Variants in STIL observed in about 807,000 individuals in gnomAD.
STIL encodes STIL centriolar assembly protein, also known as SCL-interrupting locus protein.
In STIL, 55 loss-of-function variants were observed where a neutral mutation model predicts 110.1. The ratio of observed to expected loss-of-function variants is 0.50; its 90% CI spans 0.40 to 0.63. The LOEUF (loss-of-function observed/expected upper bound fraction) is 0.63. STIL is among the 20% of genes least tolerant of loss of function. The pLI, the probability that STIL is intolerant of heterozygous loss-of-function variation, is 0.00. For missense variants in STIL, 1,358 were observed against 1,530.0 expected (o/e 0.89, Z 1.87); for synonymous variants, 481 against 530.0 (o/e 0.91, Z 1.27).
intron 8 of STIL, 104 bp from the exon 9 acceptor site, chr1:47,289,689 G>A (rs1645420262): frequency 2.5e-6 from 3 of 1,195,340 alleles, no homozygotes; most frequent in Non-Finnish European, 3.7e-6. Flanking sequence ...ATGACTAAAA[G>A]GTGCAATTTT....
intron 6 of STIL, among the ~76,000 whole-genome samples, chr1:47,299,166 G>A (rs1278232694): frequency 2.0e-5 from 3 of 151,208 alleles, no homozygotes; most frequent in African/African-American, 7.3e-5. Context: ...TGGCCAACAT[G>A]GTGAAACCTC....
At position 47,302,311 on chromosome 1, in the gene STIL, C is replaced by G. The variant is rs767031800; in HGVS notation, c.188G>C (p.Arg63Pro). The change falls in exon 4 of 17, where the codon CGA (arginine) becomes CCA (proline). Residue 63 changes from arginine (R) to proline (P), a missense_variant. Physicochemically the swap from Arg to Pro is moderately radical, Grantham distance 103. Coordinates refer to ENST00000371877, the MANE Select transcript of STIL (RefSeq NM_001048166.1). ...PKLVVTEKTIRLAYRHAKQNK... is the reference protein window; with the variant it reads ...PKLVVTEKTIPLAYRHAKQNK... ...CTGCTTAGCATGACGATAAGCAAGT[C>G]GGATGGTCTTCTCAGTCACCACAAG... 6.2e-7 allele frequency: 1 copy of G among 1,613,994 alleles called. No homozygotes were observed. The highest frequency in any genetic ancestry group is 1.1e-5 in the South Asian group (1 of 91,056).
intron 7 of STIL, among the ~76,000 whole-genome samples, chr1:47,294,261 A>G (rs1645578160): frequency 6.6e-6 from 1 of 152,146 alleles, no homozygotes. Context: ...CACTTTCCAT[A>G]CTGGTCACTT....
chr1:47,296,858 G>C (rs566020807), intron 6 of STIL, among the ~76,000 whole-genome samples: 2 of 152,084 alleles, frequency 1.3e-5, no homozygotes, highest in Non-Finnish European at 2.9e-5. Context: ...ATAAAGCCTT[G>C]GCAGTACCAC....
At chr1:47,307,354 C>A (rs140796099) in intron 2 of STIL, among the ~76,000 whole-genome samples, 2 of 152,196 alleles carry the variant, frequency 1.3e-5, no homozygotes, top group African/African-American at 2.4e-5. Flanking sequence ...AGGGACCGGC[C>A]GAAGCCATGA....
intron 8 of STIL, 40 bp from the exon 9 acceptor site, chr1:47,289,625 T>G: frequency 1.9e-6 from 3 of 1,551,210 alleles, no homozygotes; most frequent in Non-Finnish European, 2.7e-6. Context: ...TTAATGAGGA[T>G]AACATGATGA....
chr1:47,310,876 G>A (rs1488104764), intron 1 of STIL, among the ~76,000 whole-genome samples: 1 of 152,082 alleles, frequency 6.6e-6, no homozygotes, highest in Non-Finnish European at 1.5e-5. Context: ...TTGAGATGGA[G>A]TCTTGTTCTG....
upstream of STIL, chr1:47,314,231 G>A (rs1646223842): frequency 6.6e-6 from 1 of 152,282 alleles, no homozygotes; most frequent in Non-Finnish European, 1.5e-5. Context: ...AGGGAGCGGG[G>A]GTGGTGCTAG....
At chr1:47,298,261 A>G (rs1462349678) in intron 6 of STIL, among the ~76,000 whole-genome samples, 1 of 152,232 alleles carries the variant, frequency 6.6e-6, no homozygotes, top group Non-Finnish European at 1.5e-5. Flanking sequence ...TAATACTTGG[A>G]GCAGTCTCTG....
At chr1:47,295,343 G>A (rs1645611383) in intron 7 of STIL, among the ~76,000 whole-genome samples, 2 of 152,054 alleles carry the variant, frequency 1.3e-5, no homozygotes, top group Non-Finnish European at 2.9e-5. Context: ...ACTTTGGGAG[G>A]CTGAGGCGGG....
chr1:47,285,020 C>CTTTTTTTTTTT (rs35801422), intron 10 of STIL, among the ~76,000 whole-genome samples: 3 of 134,720 alleles, frequency 2.2e-5, no homozygotes, highest in African/African-American at 2.8e-5. Flanking sequence ...CATTTTTTGT[C>CTTTTTTTTTTT]TTTTTTTTTT....
intron 16 of STIL, among the ~76,000 whole-genome samples, chr1:47,255,781 G>A (rs554924918): frequency 6.6e-6 from 1 of 152,262 alleles, no homozygotes; most frequent in South Asian, 2.1e-4. Context: ...TCCATTTCCT[G>A]CACAATTTCT....
chr1:47,267,139 TCA>T (rs954455118), intron 14 of STIL, among the ~76,000 whole-genome samples: 2 of 152,182 alleles, frequency 1.3e-5, no homozygotes, highest in African/African-American at 4.8e-5. Flanking sequence ...TGTCACCCCC[TCA>T]CAGAGATGGT....
At position 47,301,557 on chromosome 1, in the gene STIL, G is replaced by A. The variant is rs138130428; in HGVS notation, c.453+4C>T. On this transcript the variant is annotated splice_donor_region_variant and intron_variant, in intron 5 of 16. Transcript: ENST00000371877. Reference sequence around the variant, plus strand: ...TTAACTATCAAGTTGTCAATGAATCGCACCTTTAAAGCTGAACTGAAGTCA... The same window carrying A: ...TTAACTATCAAGTTGTCAATGAATCACACCTTTAAAGCTGAACTGAAGTCA... The A allele has an allele frequency of 5.0e-6, 8 of 1,611,856 alleles. No homozygotes were observed. In the East Asian group the frequency reaches 8.9e-5, roughly 18 times the overall value.
rs1302831534 is a variant in STIL, at chr1:47,280,808, C to A, written c.1650G>T (p.Glu550Asp). 6.2e-7 allele frequency: 1 copy of A among 1,614,174 alleles called. No homozygotes were observed. The highest frequency in any genetic ancestry group is 8.5e-7 in the Non-Finnish European group (1 of 1,180,040). The part of the protein sequence containing the change: ...TVSAGNVQNE[E>D]YPIRPSTLNS... ...TAAGTGTGGAGGGTCTTATAGGATA[C>A]TCTTCGTTTTGTACATTTCCAGCAG... is the stretch of plus-strand genomic sequence containing the variant. The change falls in exon 12 of 17, where the codon GAG becomes GAT. Residue 550 changes from glutamate (E) to aspartate (D), a missense_variant. By Grantham distance (45) the Glu-to-Asp change is conservative (BLOSUM62 2). Transcript: ENST00000371877.
chr1:47,308,925 G>T (rs542555017), intron 2 of STIL, among the ~76,000 whole-genome samples: 1 of 151,852 alleles, frequency 6.6e-6, no homozygotes, highest in East Asian at 1.9e-4. Context: ...GGTGGCGCAC[G>T]CCTGTAATCC....
At chr1:47,292,177 CTTTAT>C (rs765053329) in intron 8 of STIL, among the ~76,000 whole-genome samples, 1 of 151,708 alleles carries the variant, frequency 6.6e-6, no homozygotes, top group African/African-American at 2.4e-5. Context: ...GTCTGGGGAC[CTTTAT>C]TTTGTTTACT....
At chr1:47,260,593 CTGGG>C in intron 15 of STIL, 54 bp from the exon 16 acceptor site, 1 of 1,580,312 alleles carries the variant, frequency 6.3e-7, no homozygotes, top group South Asian at 1.1e-5. Flanking sequence ...AATGTTAGGG[CTGGG>C]TGTGGTGGTT....
chr1:47,270,303 G>A (rs1048569301), intron 13 of STIL, among the ~76,000 whole-genome samples: 2 of 120,194 alleles, frequency 1.7e-5, no homozygotes, highest in Non-Finnish European at 3.6e-5. Flanking sequence ...CAATTACTTA[G>A]AACTAAGTTT....
Sources: allele counts gnomAD v4.1 joint callset (sites outside exome capture counted in the v4.1 genomes callset), GRCh38; gene constraint gnomAD v4.1.1; transcripts MANE v1.5; gene names NCBI Gene and HGNC (gene_info 2026-07-23, HGNC 2026-07-21).